Variants in GLIS1 observed in about 807,000 individuals in gnomAD.
The protein encoded by GLIS1 is GLIS family zinc finger 1, also known as zinc finger protein GLIS1.
In GLIS1, 24 loss-of-function variants were observed where a neutral mutation model predicts 63.8. That is an observed-to-expected ratio of 0.38 (90% CI 0.27 to 0.53). GLIS1 has a LOEUF of 0.53. Ranked by LOEUF, GLIS1 falls within the 20% of genes least tolerant of loss-of-function variation. The pLI is 0.85. For missense variants in GLIS1, 1,036 were observed against 1,074.1 expected (o/e 0.96, Z 0.50); for synonymous variants, 450 against 482.5 (o/e 0.93, Z 0.88).
chr1:53,645,443 G>A (rs974514767), intron 2 of GLIS1, among the ~76,000 whole-genome samples: 7 of 152,090 alleles, frequency 4.6e-5, no homozygotes, highest in Non-Finnish European at 8.8e-5. Context: ...ATCAGTCCCC[G>A]AAGTCTACAA....
chr1:53,509,132 A>G lies in GLIS1; in HGVS notation c.2218T>C (p.Leu740=), dbSNP rs1569708764. ...PNGYHSLSTP[L]PATGYEALAE... ...AGGCAGGGCTCACCTGTGGCAGGCA[A>G]GGGCGTGCTGAGGCTGTGGTAGCCA... is the stretch of plus-strand genomic sequence containing the variant. Residue 740 remains leucine, a synonymous_variant, in exon 10 of 11, where the codon TTG becomes CTG. Transcript: ENST00000628545. 1 of 1,582,330 alleles carries G rather than the reference A, an allele frequency of 6.3e-7. No homozygotes were observed. Among genetic ancestry groups the G allele is most frequent in the African/African-American group, 1.3e-5 (1 of 74,580 alleles).
intron 4 of GLIS1, among the ~76,000 whole-genome samples, chr1:53,572,191 A>G (rs1472931984): frequency 6.6e-6 from 1 of 152,194 alleles, no homozygotes; most frequent in Non-Finnish European, 1.5e-5. Flanking sequence ...AATAGTACTT[A>G]TGCAAATCCT....
rs374468427 is a variant in GLIS1 at position 53,639,678 on chromosome 1, G to A, written c.260-39400C>T. 1.3e-4 allele frequency among the ~76,000 whole-genome samples: 20 copies of A among 152,088 alleles called. No homozygotes were observed. Among genetic ancestry groups the A allele is most frequent in the African/African-American group, 3.6e-4 (15 of 41,468 alleles). ...TTTTTCCAGCCCGCTATCCTGGGCC[G>A]ACAGCATACTCAGGTTTACTCAGTG... is the stretch of plus-strand genomic sequence containing the variant. On this transcript the variant is annotated intron_variant, in intron 2 of 10. Transcript: ENST00000628545. The surrounding 1 kb of genome is among the most constrained non-coding windows in gnomAD (Gnocchi z 4.6).
chr1:53,547,805 T>C (rs1281072456), intron 4 of GLIS1, among the ~76,000 whole-genome samples: 1 of 152,210 alleles, frequency 6.6e-6, no homozygotes, highest in Non-Finnish European at 1.5e-5. Context: ...CAGGACAGAA[T>C]GGCAGTGATT....
chr1:53,566,936 C>T (rs374642189), intron 4 of GLIS1, among the ~76,000 whole-genome samples: 5 of 152,276 alleles, frequency 3.3e-5, no homozygotes, highest in Non-Finnish European at 5.9e-5. Context: ...CAGACTAATA[C>T]AGAAAATTGG....
chr1:53,537,914 G>A (rs1212172459), intron 4 of GLIS1, among the ~76,000 whole-genome samples: 1 of 152,220 alleles, frequency 6.6e-6, no homozygotes, highest in Non-Finnish European at 1.5e-5. Flanking sequence ...TCTCATTTTT[G>A]TACGAACTTT....
chr1:53,648,251 TG>T (rs1182961241), intron 2 of GLIS1, among the ~76,000 whole-genome samples: 1 of 152,120 alleles, frequency 6.6e-6, no homozygotes, highest in Non-Finnish European at 1.5e-5. Flanking sequence ...AAAAAATATA[TG>T]AAATGATGCT....
At position 53,560,483 on chromosome 1, in the gene GLIS1, A is replaced by T. The variant is rs1270481172; in HGVS notation, c.1321-30531T>A. On this transcript the variant is annotated intron_variant, in intron 4 of 10. Coordinates refer to ENST00000628545, the MANE Select transcript of GLIS1 (RefSeq NM_001367484.1). The surrounding 1 kb of genome is among the most constrained non-coding windows in gnomAD (Gnocchi z 4.4). ...GATATCTGGTCCACACACGGAGCAA[A>T]TATCTGTTTCCCCCTGGTGCCCACC... Among the ~76,000 whole-genome samples, 1 of 152,168 alleles carries T rather than the reference A, an allele frequency of 6.6e-6. No homozygotes were observed. The highest frequency in any genetic ancestry group is 1.5e-5 in the Non-Finnish European group (1 of 68,020).
intron 7 of GLIS1, among the ~76,000 whole-genome samples, chr1:53,519,348 G>A (rs1644383650): frequency 1.3e-5 from 2 of 152,316 alleles, no homozygotes; most frequent in South Asian, 4.1e-4. Context: ...AAGGCTAAAA[G>A]GCTTTTCTTC....
At chr1:53,608,461 C>A (rs2100567241) in intron 2 of GLIS1, among the ~76,000 whole-genome samples, 1 of 152,308 alleles carries the variant, frequency 6.6e-6, no homozygotes, top group East Asian at 1.9e-4. Flanking sequence ...CCTTTTCCCT[C>A]CCTAGTAGGA....
At chr1:53,656,418 T>A (rs551751384) in intron 2 of GLIS1, among the ~76,000 whole-genome samples, 1 of 152,130 alleles carries the variant, frequency 6.6e-6, no homozygotes, top group East Asian at 1.9e-4. Context: ...AGAACAAAGC[T>A]CCCCTTTCTG....
chr1:53,724,817 G>A (rs1452142256), intron 2 of GLIS1, among the ~76,000 whole-genome samples: 5 of 152,186 alleles, frequency 3.3e-5, no homozygotes, highest in Non-Finnish European at 5.9e-5. Flanking sequence ...GGGACTACAG[G>A]TGCATGGCTG....
intron 4 of GLIS1, among the ~76,000 whole-genome samples, chr1:53,532,638 G>A (rs966337634): frequency 1.3e-5 from 2 of 152,244 alleles, no homozygotes; most frequent in African/African-American, 4.8e-5. Flanking sequence ...AGATGGGGGA[G>A]CCCGGGCTGG....
At position 53,509,246 on chromosome 1, in the gene GLIS1, A is replaced by C; in HGVS notation, c.2104T>G (p.Tyr702Asp). The C allele has an allele frequency of 1.3e-6, 2 of 1,594,870 alleles. No homozygotes were observed. The highest frequency in any genetic ancestry group is 2.3e-5 in the South Asian group (2 of 87,808). Residue 702 changes from tyrosine (Y) to aspartate (D), a missense_variant, in exon 10 of 11, where the codon TAT becomes GAT. Coordinates refer to ENST00000628545, the MANE Select transcript of GLIS1 (RefSeq NM_001367484.1). ...SFHSIQSCFP[Y>D]GDCYRMAEPA... The stretch of plus-strand genomic sequence containing the variant: ...TCAGCCATCCGGTAGCAGTCGCCAT[A>C]GGGGAAGCAACTCTGGATGGAGTGG...
At chr1:53,696,203 C>T (rs1028792272) in intron 2 of GLIS1, among the ~76,000 whole-genome samples, 1 of 152,230 alleles carries the variant, frequency 6.6e-6, no homozygotes, top group Non-Finnish European at 1.5e-5. Flanking sequence ...CAGCTAATGG[C>T]TAACAATAAA....
intron 2 of GLIS1, among the ~76,000 whole-genome samples, chr1:53,686,374 C>G (rs2100444255): frequency 6.6e-6 from 1 of 152,358 alleles, no homozygotes; most frequent in African/African-American, 2.4e-5. Flanking sequence ...AGCCCCCTAG[C>G]CTCTCTGATG....
intron 2 of GLIS1, among the ~76,000 whole-genome samples, chr1:53,679,253 C>T (rs1364766490): frequency 6.6e-6 from 1 of 152,210 alleles, no homozygotes; most frequent in Non-Finnish European, 1.5e-5. Flanking sequence ...CCCCCAGCAG[C>T]AGCTGCGTGA....
chr1:53,604,340 C>T (rs6663966), intron 2 of GLIS1, among the ~76,000 whole-genome samples: 122,447 of 152,200 alleles, frequency 0.8, 54,052 homozygotes, highest in Non-Finnish European at 0.99. Flanking sequence ...CCAACAAATC[C>T]GAAGCAAACA....
At chr1:53,543,746 T>C (rs1195035108) in intron 4 of GLIS1, among the ~76,000 whole-genome samples, 1 of 151,046 alleles carries the variant, frequency 6.6e-6, no homozygotes, top group Non-Finnish European at 1.5e-5. Context: ...TCTGGAAGGG[T>C]GTGGGGGAGG....
Sources: gnomAD v4.1 joint callset for allele counts (sites outside exome capture counted in the v4.1 genomes callset) on GRCh38, gnomAD v4.1.1 for gene constraint, Gnocchi (gnomAD v3.1) non-coding constraint, MANE v1.5 for transcripts, NCBI Gene and HGNC (gene_info 2026-07-23, HGNC 2026-07-21) for gene names.